SPAG11B: variants seen among roughly 807,000 people sequenced by gnomAD.
SPAG11B encodes sperm associated antigen 11B.
In SPAG11B, 5 loss-of-function variants were observed where a neutral mutation model predicts 8.9. That is an observed-to-expected ratio of 0.56 (90% CI 0.29 to 1.19). SPAG11B has a LOEUF of 1.19. SPAG11B is among the 50% of genes most tolerant of loss of function. The pLI is 0.08. For missense variants in SPAG11B, 38 were observed against 146.4 expected (o/e 0.26, Z 3.82); for synonymous variants, 12 against 53.0 (o/e 0.23, Z 3.36).
chr8:7,450,250 A>G (rs1170157196), downstream of SPAG11B, among the ~76,000 whole-genome samples: 1 of 143,376 alleles, frequency 7.0e-6, no homozygotes, highest in Non-Finnish European at 1.5e-5. Context: ...CTTGAAAACA[A>G]CACTATCCTA....
chr8:7,452,713 A>T (rs200997270), intron 2 of SPAG11B, among the ~76,000 whole-genome samples: 18,620 of 66,122 alleles, frequency 0.28, 245 homozygotes, highest in Admixed American at 0.36. Flanking sequence ...AGTTGAGCAG[A>T]TAATTAGCTT....
chr8:7,452,968 CAG>C (rs1810270159), intron 2 of SPAG11B, among the ~76,000 whole-genome samples: 2 of 147,158 alleles, frequency 1.4e-5, no homozygotes, highest in Admixed American at 6.7e-5. Context: ...AAAAAAAAAA[CAG>C]AGACAACGTA....
chr8:7,448,302 CAAAAAAAAAAAAAAAAAA>C (rs71221492), downstream of SPAG11B, among the ~76,000 whole-genome samples: 2 of 48,852 alleles, frequency 4.1e-5, no homozygotes. Flanking sequence ...AACAAGTGGT[CAAAAAAAAAAAAAAAAAA>C]AAAAAAAAAA....
At chr8:7,452,930 T>C (rs1290984895) in intron 2 of SPAG11B, among the ~76,000 whole-genome samples, 3 of 145,018 alleles carry the variant, frequency 2.1e-5, no homozygotes, top group African/African-American at 5.3e-5. Context: ...ACAACGTGGA[T>C]GAACCTCACA....
intron 2 of SPAG11B, among the ~76,000 whole-genome samples, chr8:7,454,324 TA>T (rs1810374066): frequency 9.3e-6 from 1 of 107,178 alleles, no homozygotes; most frequent in Non-Finnish European, 1.8e-5. Flanking sequence ...AGATGACTTA[TA>T]GATAAAACAA....
chr8:7,450,008 C>T (rs1471208174), downstream of SPAG11B, among the ~76,000 whole-genome samples: 3 of 125,954 alleles, frequency 2.4e-5, no homozygotes, highest in African/African-American at 9.7e-5. Flanking sequence ...GAACAGGGGC[C>T]CTGCCTTGCT....
intron 2 of SPAG11B, among the ~76,000 whole-genome samples, chr8:7,458,643 C>A (rs1810588924): frequency 1.9e-5 from 2 of 107,270 alleles, no homozygotes; most frequent in South Asian, 3.3e-4. Context: ...AATTAAAAAT[C>A]TAATAACTGA....
At chr8:7,451,857 C>T (rs549996399) in intron 2 of SPAG11B, among the ~76,000 whole-genome samples, 1,663 of 150,534 alleles carry the variant, frequency 0.011, 1 homozygote, top group Non-Finnish European at 0.016. Context: ...CTACTATGAC[C>T]ATAAAGATTC....
downstream of SPAG11B, among the ~76,000 whole-genome samples, chr8:7,448,799 C>T (rs1809961054): frequency 1.5e-5 from 2 of 134,288 alleles, 1 homozygote; most frequent in African/African-American, 5.9e-5. Flanking sequence ...CTTCCCTTCC[C>T]TTCCCTTCCA....
intron 2 of SPAG11B, chr8:7,452,146 C>T (rs1258724932): frequency 2.1e-5 from 1 of 48,022 alleles, no homozygotes; most frequent in African/African-American, 1.1e-4. Context: ...CCCACAGTGG[C>T]CCACCTGCAT....
intron 2 of SPAG11B, among the ~76,000 whole-genome samples, chr8:7,453,708 A>T (rs1359702333): frequency 6.7e-6 from 1 of 149,358 alleles, no homozygotes; most frequent in Non-Finnish European, 1.5e-5. Flanking sequence ...GACTTTCTGC[A>T]TGGGTGAACA....
intron 2 of SPAG11B, among the ~76,000 whole-genome samples, chr8:7,458,785 A>C (rs1251465181): frequency 3.8e-5 from 4 of 104,614 alleles, no homozygotes; most frequent in Admixed American, 2.1e-4. Context: ...TAATGAGAGG[A>C]TATTTCAAGG....
rs1233275525 is a variant in SPAG11B at position 7,458,689 on chromosome 8, A to AT, written c.214+4017_214+4018insA. On this transcript the variant is annotated intron_variant, in intron 2 of 2. Transcript: ENST00000398462. ...CCAAAAATAGTAAAAAAAAAAAAAA[A>AT]AAATAGAAGGGCTCTACAGATATAA... Among the ~76,000 whole-genome samples, 32 of 127,874 alleles carry AT rather than the reference A, an allele frequency of 2.5e-4. 1 individual carries two copies. Among genetic ancestry groups the AT allele is most frequent in the African/African-American group, 1.0e-3 (32 of 31,964 alleles). The allele number at this position is 127,874 out of a possible 152,430, so 83.9% of individuals were successfully genotyped here.
At position 7,453,127 on chromosome 8, in the gene SPAG11B, C is replaced by T. The variant is rs1301788968; in HGVS notation, c.215-2227G>A. ...ACAGTCTAGTGAGGGATGCAGAGAGCCCCCGGCAACCACAGGGCTGTGTCA... is the reference window on the plus strand; with the variant it reads ...ACAGTCTAGTGAGGGATGCAGAGAGTCCCCGGCAACCACAGGGCTGTGTCA... On this transcript the variant is annotated intron_variant, in intron 2 of 2. Coordinates refer to ENST00000398462, the MANE Select transcript of SPAG11B (RefSeq NM_058201.4). Among the ~76,000 whole-genome samples, 3 of 142,728 alleles carry T rather than the reference C, an allele frequency of 2.1e-5. No individual in the cohort carries two copies. The South Asian group carries it at 6.7e-4, about 32-fold the overall frequency. 93.6% of individuals were successfully genotyped at this position (142,728 alleles called of 152,430 possible). A position where few individuals can be genotyped will look rare whatever the true frequency, so the allele number is the denominator to read the frequency against.
Position 7,450,889 on chromosome 8 carries a change from G to T in SPAG11B, c.226C>A (p.Pro76Thr), listed in dbSNP as rs764936519. The change falls in exon 3 of 3, where the codon CCG becomes ACG. Residue 76 changes from proline (P) to threonine (T), a missense_variant. Physicochemically the swap from Pro to Thr is conservative, Grantham distance 38. Coordinates refer to ENST00000398462, the MANE Select transcript of SPAG11B (RefSeq NM_058201.4). ...TGGCAGATGGTATTTCTAATTCCCG[G>T]TGGAACATCCCCTATGGATACAACA... is the stretch of plus-strand genomic sequence containing the variant. ...RTPPYQGDVP[P>T]GIRNTICHMQ... The T allele has an allele frequency of 3.0e-5, 47 of 1,554,200 alleles. 2 individuals are homozygous for T. Among genetic ancestry groups the T allele is most frequent in the Non-Finnish European group, 8.8e-7 (1 of 1,141,044 alleles).
chr8:7,451,050 T>C, intron 2 of SPAG11B, 150 bp from the exon 3 acceptor site: 1 of 1,505,610 alleles, frequency 6.6e-7, no homozygotes, highest in Non-Finnish European at 9.0e-7. Context: ...GCCTCTTAGC[T>C]TTAAAACAGG....
At chr8:7,450,435 T>G (rs1367289546), downstream of SPAG11B, 1 of 916,416 alleles carries the variant, frequency 1.1e-6, no homozygotes, top group East Asian at 2.9e-5. Context: ...TCTCTGAAAA[T>G]CAGTTTGGAG....
chr8:7,451,996 A>G (rs1329194107), intron 2 of SPAG11B, among the ~76,000 whole-genome samples: 1 of 133,332 alleles, frequency 7.5e-6, no homozygotes, highest in Non-Finnish European at 1.6e-5. Flanking sequence ...TCCTTCTGAA[A>G]ACTTTTCTCA....
At chr8:7,458,710 T>TGAG (rs1430286316) in intron 2 of SPAG11B, among the ~76,000 whole-genome samples, 1 of 104,384 alleles carries the variant, frequency 9.6e-6, no homozygotes, top group Non-Finnish European at 2.0e-5. Context: ...GCTCTACAGA[T>TGAG]ATAAAAATAA....
Sources: gnomAD v4.1 joint callset for allele counts (sites outside exome capture counted in the v4.1 genomes callset) on GRCh38, gnomAD v4.1.1 for gene constraint, MANE v1.5 for transcripts, NCBI Gene and HGNC (gene_info 2026-07-23, HGNC 2026-07-21) for gene names.